Variants in CAMTA1 observed in about 807,000 individuals in gnomAD.
CAMTA1 encodes calmodulin-binding transcription activator 1.
CAMTA1 carries 27 observed loss-of-function variants against 170.9 expected under a neutral mutation model. The observed-to-expected ratio is 0.16, with a 90% confidence interval of 0.12 to 0.22. The LOEUF (loss-of-function observed/expected upper bound fraction) is 0.22, where lower values mean the gene tolerates loss of function less well. CAMTA1 is among the 10% of genes least tolerant of loss of function. The pLI, the probability that CAMTA1 is intolerant of heterozygous loss-of-function variation, is 1.00. For synonymous variants in CAMTA1, 833 were observed against 891.5 expected (o/e 0.93, Z 1.17); for missense variants, 1,619 against 2,217.2 (o/e 0.73, Z 5.42).
chr1:7,289,983 A>G (rs1314037427), intron 5 of CAMTA1, among the ~76,000 whole-genome samples: 1 of 152,178 alleles, frequency 6.6e-6, no homozygotes, highest in African/African-American at 2.4e-5. Context: ...GGTCTTACCA[A>G]CACCTTGATC....
At chr1:7,688,407 G>A (rs750090962) in intron 11 of CAMTA1, among the ~76,000 whole-genome samples, 1 of 152,306 alleles carries the variant, frequency 6.6e-6, no homozygotes, top group South Asian at 2.1e-4. Flanking sequence ...ACCACAGAGA[G>A]ACCGGTCAGG....
At chr1:7,527,668 G>A (rs2094445714) in intron 6 of CAMTA1, among the ~76,000 whole-genome samples, 1 of 152,212 alleles carries the variant, frequency 6.6e-6, no homozygotes, top group Admixed American at 6.5e-5. Context: ...ATCGGGCACA[G>A]CCCAGGCTCT....
intron 3 of CAMTA1, among the ~76,000 whole-genome samples, chr1:6,843,243 A>G (rs1656620119): frequency 6.6e-6 from 1 of 152,130 alleles, no homozygotes; most frequent in Non-Finnish European, 1.5e-5. Context: ...GTCTGTCTCC[A>G]TCTTTGAGCT....
At chr1:7,261,321 A>G (rs550008564) in intron 5 of CAMTA1, among the ~76,000 whole-genome samples, 177 of 152,266 alleles carry the variant, frequency 1.2e-3, no homozygotes, top group African/African-American at 4.1e-3. Flanking sequence ...GATAACTTTT[A>G]ATGCTAAGAG....
Position 6,785,495 on chromosome 1 carries a change from C to T in CAMTA1, c.-36C>T, listed in dbSNP as rs746911118. On this transcript the variant is annotated 5_prime_UTR_variant, in exon 1 of 23. Transcript: ENST00000303635. ...GGCCGGCGGCGGCGGCGGTACGAGG[C>T]GCGCGCTCGGGGTCCCGGTCGCGAG... 8 of 1,021,712 alleles carry T rather than the reference C, an allele frequency of 7.8e-6. No homozygotes were observed. In the South Asian group the frequency reaches 1.7e-4, roughly 22 times the overall value. 63.3% of individuals were successfully genotyped at this position (1,021,712 alleles called of 1,614,324 possible).
intron 5 of CAMTA1, among the ~76,000 whole-genome samples, chr1:7,467,383 C>T (rs1368909851): frequency 6.6e-6 from 1 of 152,162 alleles, no homozygotes; most frequent in African/African-American, 2.4e-5. Flanking sequence ...GCCCCCTGGC[C>T]AGGAAAGGTC....
rs1280282702 is a variant in CAMTA1 at position 6,886,379 on chromosome 1, A to G, written c.234+61169A>G. On this transcript the variant is annotated intron_variant, in intron 3 of 22. Coordinates refer to ENST00000303635, the MANE Select transcript of CAMTA1 (RefSeq NM_015215.4). ...ACATTTGATTGCCTTGAAATCTTCAATTTGTTGTGCTGATATCTTAAGTAA... is the reference window on the plus strand; with the variant it reads ...ACATTTGATTGCCTTGAAATCTTCAGTTTGTTGTGCTGATATCTTAAGTAA... 5.3e-5 allele frequency: 23 copies of G among 432,844 alleles called. No homozygotes were observed. In the East Asian group the frequency reaches 1.5e-3, roughly 29 times the overall value. The allele number at this position is 432,844 out of a possible 1,614,324, so 26.8% of individuals were successfully genotyped here.
At chr1:7,395,601 T>C (rs1411699337) in intron 5 of CAMTA1, among the ~76,000 whole-genome samples, 1 of 152,234 alleles carries the variant, frequency 6.6e-6, no homozygotes, top group Non-Finnish European at 1.5e-5. Flanking sequence ...TTTATCTGTT[T>C]CTATGAACAA....
intron 3 of CAMTA1, among the ~76,000 whole-genome samples, chr1:6,938,311 A>G (rs1571881198): frequency 1.3e-5 from 2 of 152,102 alleles, no homozygotes; most frequent in African/African-American, 2.4e-5. Flanking sequence ...TCTGGGGACC[A>G]GGGCGGCTGA....
At position 7,499,187 on chromosome 1, in the gene CAMTA1, CAG is replaced by C. The variant is rs1174374383; in HGVS notation, c.510+31291_510+31292del. Among the ~76,000 whole-genome samples, 23 of 28,848 alleles carry C rather than the reference CAG, an allele frequency of 8.0e-4. 2 individuals are homozygous for C. Among genetic ancestry groups the C allele is most frequent in the African/African-American group, 1.7e-3 (12 of 7,066 alleles). The allele number at this position is 28,848 out of a possible 152,430, so 18.9% of individuals were successfully genotyped here. A position where few individuals can be genotyped will look rare whatever the true frequency, so the allele number is the denominator to read the frequency against. On this transcript the variant is annotated intron_variant, in intron 6 of 22. Transcript: ENST00000303635. ...GTGTGCATGTGTGTCCATGAGTGTG[CAG>C]AGAGGATGGTGTGATCCTGGTGTGC... is the stretch of plus-strand genomic sequence containing the variant.
At chr1:7,627,539 G>A (rs1257858146) in intron 6 of CAMTA1, among the ~76,000 whole-genome samples, 1 of 152,168 alleles carries the variant, frequency 6.6e-6, no homozygotes, top group Non-Finnish European at 1.5e-5. Context: ...TCAGGGAGCA[G>A]GCACTACTGT....
chr1:7,533,175 G>A (rs766874111), intron 6 of CAMTA1, among the ~76,000 whole-genome samples: 2 of 152,166 alleles, frequency 1.3e-5, no homozygotes, highest in African/African-American at 4.8e-5. Context: ...CAGTCGGGGG[G>A]CACCCCTCCC....
At chr1:7,703,918 G>T (rs1049816527) in intron 11 of CAMTA1, among the ~76,000 whole-genome samples, 1 of 152,102 alleles carries the variant, frequency 6.6e-6, no homozygotes, top group Non-Finnish European at 1.5e-5. Flanking sequence ...GCTGGAGCTG[G>T]AACTTTGGAA....
chr1:7,763,673 C>A (rs1191763476), intron 22 of CAMTA1, among the ~76,000 whole-genome samples: 1 of 152,218 alleles, frequency 6.6e-6, no homozygotes, highest in Non-Finnish European at 1.5e-5. Flanking sequence ...ATTATAGATT[C>A]TTTGGTATGA....
rs2095703484 is a variant in CAMTA1 at position 7,635,403 on chromosome 1, C to T, written c.511-4997C>T. ...CAGGCAGATCACGAGATCGGGACAC[C>T]GAGACTATCCTGGCTAACACGGTGA... On this transcript the variant is annotated intron_variant, in intron 6 of 22. Coordinates refer to ENST00000303635, the MANE Select transcript of CAMTA1 (RefSeq NM_015215.4). This position sits in a 1 kb window ranked among gnomAD's most constrained non-coding sequence, Gnocchi z 4.4. Among the ~76,000 whole-genome samples, 1 of 152,038 alleles carries T rather than the reference C, an allele frequency of 6.6e-6. No homozygotes were observed. Among genetic ancestry groups the T allele is most frequent in the Non-Finnish European group, 1.5e-5 (1 of 68,004 alleles).
At chr1:7,546,050 G>A (rs1222584696) in intron 6 of CAMTA1, among the ~76,000 whole-genome samples, 1 of 151,792 alleles carries the variant, frequency 6.6e-6, no homozygotes, top group Non-Finnish European at 1.5e-5. Flanking sequence ...CCACCTCCCG[G>A]GTTCACACCA....
At chr1:7,514,853 C>T (rs1220117473) in intron 6 of CAMTA1, among the ~76,000 whole-genome samples, 1 of 152,122 alleles carries the variant, frequency 6.6e-6, no homozygotes, top group Non-Finnish European at 1.5e-5. Context: ...CCCCATTATT[C>T]GCTGCAGAGC....
intron 3 of CAMTA1, among the ~76,000 whole-genome samples, chr1:6,901,165 T>C (rs1676849914): frequency 6.6e-6 from 1 of 152,250 alleles, no homozygotes; most frequent in South Asian, 2.1e-4. Flanking sequence ...TTCAACAGAT[T>C]GTAATGGAAC....
At chr1:7,255,620 T>A (rs1667250931) in intron 5 of CAMTA1, among the ~76,000 whole-genome samples, 1 of 152,208 alleles carries the variant, frequency 6.6e-6, no homozygotes, top group African/African-American at 2.4e-5. Context: ...GTTGCCTTCC[T>A]ATCAGCCTTG....
Sources: allele counts gnomAD v4.1 joint callset (sites outside exome capture counted in the v4.1 genomes callset), GRCh38; gene constraint gnomAD v4.1.1; non-coding constraint Gnocchi (gnomAD v3.1); transcripts MANE v1.5; gene names NCBI Gene and HGNC (gene_info 2026-07-23, HGNC 2026-07-21).